IGF2BP2: variants seen among roughly 807,000 people sequenced by gnomAD.
IGF2BP2 encodes the protein insulin like growth factor 2 mRNA binding protein 2.
In IGF2BP2, 17 loss-of-function variants were observed where a neutral mutation model predicts 75.8. That is an observed-to-expected ratio of 0.22 (90% CI 0.15 to 0.34). The LOEUF (loss-of-function observed/expected upper bound fraction) is 0.34. Ranked by LOEUF, IGF2BP2 falls within the 10% of genes least tolerant of loss-of-function variation. IGF2BP2 has a pLI of 1.00. For synonymous variants in IGF2BP2, 288 were observed against 295.6 expected, an observed-to-expected ratio of 0.97 and a Z score of 0.26; for missense variants, 516 against 772.4, an observed-to-expected ratio of 0.67 and a Z score of 3.93.
chr3:185,648,175 A>AGCT (rs2149036523), intron 14 of IGF2BP2, among the ~76,000 whole-genome samples: 1 of 152,338 alleles, frequency 6.6e-6, no homozygotes, highest in African/African-American at 2.4e-5. Flanking sequence ...GCTTTACAAC[A>AGCT]GCTGGGTGTG....
chr3:185,766,445 GA>G (rs1045509163), intron 2 of IGF2BP2, among the ~76,000 whole-genome samples: 4 of 151,070 alleles, frequency 2.6e-5, no homozygotes, highest in African/African-American at 7.3e-5. Context: ...TAAATGGTTG[GA>G]AAAAAAATAA....
At chr3:185,649,574 A>G in intron 13 of IGF2BP2, 40 bp from the exon 14 acceptor site, 1 of 1,611,150 alleles carries the variant, frequency 6.2e-7, no homozygotes, top group Non-Finnish European at 8.5e-7. Context: ...TCAGTCAGCC[A>G]GCAGCCGGCC....
intron 10 of IGF2BP2, among the ~76,000 whole-genome samples, chr3:185,668,292 G>T (rs1317967879): frequency 6.6e-6 from 1 of 151,916 alleles, no homozygotes; most frequent in African/African-American, 2.4e-5. Flanking sequence ...AACAAAATTT[G>T]TAATTCACTG....
intron 2 of IGF2BP2, among the ~76,000 whole-genome samples, chr3:185,807,415 A>G (rs994808877): frequency 1.3e-5 from 2 of 152,216 alleles, no homozygotes; most frequent in African/African-American, 4.8e-5. Context: ...AAATTCAGTA[A>G]GGATCATAAA....
At chr3:185,679,783 A>C (rs1274648809) in intron 7 of IGF2BP2, among the ~76,000 whole-genome samples, 1 of 151,902 alleles carries the variant, frequency 6.6e-6, no homozygotes, top group Non-Finnish European at 1.5e-5. Flanking sequence ...CACCCGGCTA[A>C]TTTTGTATTT....
intron 2 of IGF2BP2, among the ~76,000 whole-genome samples, chr3:185,793,337 C>A (rs1736892567): frequency 6.6e-6 from 1 of 152,076 alleles, no homozygotes; most frequent in Non-Finnish European, 1.5e-5. Flanking sequence ...ATAAGGCTGC[C>A]ACACAGGGAT....
chr3:185,675,546 C>A, intron 8 of IGF2BP2, 115 bp from the exon 9 acceptor site: 1 of 1,239,848 alleles, frequency 8.1e-7, no homozygotes, highest in Non-Finnish European at 1.1e-6. Context: ...CAATTCCCTC[C>A]CAACACACTG....
At chr3:185,660,796 T>A (rs1716313178) in intron 10 of IGF2BP2, among the ~76,000 whole-genome samples, 2 of 152,150 alleles carry the variant, frequency 1.3e-5, no homozygotes, top group Non-Finnish European at 2.9e-5. Flanking sequence ...ATGCAACTCT[T>A]CTGCACAAAA....
At chr3:185,707,727 G>A (rs1001178443) in intron 2 of IGF2BP2, among the ~76,000 whole-genome samples, 3 of 151,852 alleles carry the variant, frequency 2.0e-5, no homozygotes, top group Admixed American at 6.6e-5. Context: ...GACCTCTTTC[G>A]GAAATCAAAC....
chr3:185,696,696 A>T (rs751456028), intron 3 of IGF2BP2, 33 bp from the exon 4 acceptor site: 1 of 1,584,496 alleles, frequency 6.3e-7, no homozygotes, highest in Admixed American at 1.7e-5. Flanking sequence ...CAGAATGGGA[A>T]GGCAAGATCA....
chr3:185,648,086 C>T (rs1028275142), intron 14 of IGF2BP2, among the ~76,000 whole-genome samples: 1 of 152,226 alleles, frequency 6.6e-6, no homozygotes, highest in African/African-American at 2.4e-5. Flanking sequence ...TTCCACACCG[C>T]TTCGTTCTTT....
intron 12 of IGF2BP2, 129 bp downstream of exon 12, chr3:185,657,157 A>C: frequency 1.6e-6 from 1 of 627,726 alleles, no homozygotes; most frequent in African/African-American, 1.8e-5. Context: ...GTCATGGGGC[A>C]AATGTTCTAG....
At chr3:185,705,862 G>T (rs1057161009) in intron 2 of IGF2BP2, among the ~76,000 whole-genome samples, 8 of 152,096 alleles carry the variant, frequency 5.3e-5, no homozygotes, top group African/African-American at 1.9e-4. Context: ...ACTCTCCAAG[G>T]CCCCTAAATA....
chr3:185,673,573 T>C (rs1401567977), intron 9 of IGF2BP2, among the ~76,000 whole-genome samples: 1 of 152,200 alleles, frequency 6.6e-6, no homozygotes, highest in Non-Finnish European at 1.5e-5. Flanking sequence ...CACACAGCTC[T>C]TCAGAGGCAG....
At chr3:185,686,215 C>G (rs976372527) in intron 7 of IGF2BP2, among the ~76,000 whole-genome samples, 1 of 152,028 alleles carries the variant, frequency 6.6e-6, no homozygotes, top group African/African-American at 2.4e-5. Flanking sequence ...GAAACCTTGT[C>G]TCTTCTAAAA....
At chr3:185,777,343 A>T (rs1468381059) in intron 2 of IGF2BP2, among the ~76,000 whole-genome samples, 1 of 152,156 alleles carries the variant, frequency 6.6e-6, no homozygotes, top group Non-Finnish European at 1.5e-5. Flanking sequence ...AACCAAAACA[A>T]AACAAAAAAA....
chr3:185,799,515 G>A (rs1737894449), intron 2 of IGF2BP2, among the ~76,000 whole-genome samples: 3 of 152,150 alleles, frequency 2.0e-5, no homozygotes, highest in Admixed American at 1.3e-4. Flanking sequence ...TTGGGAGGCC[G>A]AGGCGGGCGG....
intron 2 of IGF2BP2, chr3:185,716,731 C>T: frequency 1.9e-6 from 1 of 520,052 alleles, no homozygotes; most frequent in Middle Eastern, 3.3e-4. Flanking sequence ...ACCCTGTCAG[C>T]GCTGGCTGGT....
chr3:185,730,944 T>C (rs552485078), intron 2 of IGF2BP2, among the ~76,000 whole-genome samples: 1 of 152,218 alleles, frequency 6.6e-6, no homozygotes, highest in Non-Finnish European at 1.5e-5. Context: ...AATACCTCAA[T>C]GTGGTTTTAA....
Sources: gnomAD v4.1 joint callset for allele counts (sites outside exome capture counted in the v4.1 genomes callset) on GRCh38, gnomAD v4.1.1 for gene constraint, MANE v1.5 for transcripts, NCBI Gene and HGNC (gene_info 2026-07-23, HGNC 2026-07-21) for gene names.